The following PITPNC1 variants were observed in gnomAD, a reference collection of about 807,000 sequenced individuals.
PITPNC1 encodes cytoplasmic phosphatidylinositol transfer protein 1.
Under a neutral mutation model 44.7 loss-of-function variants are expected in PITPNC1, and 18 were observed. That is an observed-to-expected ratio of 0.40 (90% CI 0.28 to 0.60). The LOEUF (loss-of-function observed/expected upper bound fraction) is 0.60, where lower values mean the gene tolerates loss of function less well. Ranked by LOEUF, PITPNC1 falls within the 20% of genes least tolerant of loss-of-function variation. The pLI is 0.39. For synonymous variants in PITPNC1, 141 were observed against 149.6 expected, an observed-to-expected ratio of 0.94 and a Z score of 0.42; for missense variants, 290 against 418.4, an observed-to-expected ratio of 0.69 and a Z score of 2.68.
intron 4 of PITPNC1, among the ~76,000 whole-genome samples, chr17:67,569,419 T>A (rs1383047261): frequency 6.6e-6 from 1 of 152,238 alleles, no homozygotes; most frequent in Non-Finnish European, 1.5e-5. Flanking sequence ...CACTTGTCTT[T>A]CCTGGCGTTC....
intron 8 of PITPNC1, among the ~76,000 whole-genome samples, chr17:67,678,829 C>T (rs907365257): frequency 1.3e-5 from 2 of 152,218 alleles, no homozygotes; most frequent in African/African-American, 4.8e-5. Context: ...TTGTTCTGGA[C>T]AGGCTCAGTG....
intron 1 of PITPNC1, among the ~76,000 whole-genome samples, chr17:67,422,070 G>C (rs1253141669): frequency 6.6e-6 from 1 of 152,112 alleles, no homozygotes; most frequent in East Asian, 1.9e-4. Context: ...GGTGTGACTT[G>C]CAGGAAGTAT....
intron 1 of PITPNC1, among the ~76,000 whole-genome samples, chr17:67,378,655 C>A (rs1208967839): frequency 2.0e-5 from 3 of 152,106 alleles, no homozygotes; most frequent in Non-Finnish European, 4.4e-5. Flanking sequence ...GGGATCTGCA[C>A]GCCCCGAGCC....
At chr17:67,461,463 C>G (rs1212493453) in intron 1 of PITPNC1, among the ~76,000 whole-genome samples, 1 of 152,204 alleles carries the variant, frequency 6.6e-6, no homozygotes, top group Non-Finnish European at 1.5e-5. Context: ...CTTAAGGGGA[C>G]CACATACATA....
rs771775005 is a variant in PITPNC1 at position 67,676,179 on chromosome 17, C to T, written c.682+637C>T. Among the ~76,000 whole-genome samples, 40 of 151,446 alleles carry T rather than the reference C, an allele frequency of 2.6e-4. No individual in the cohort carries two copies. The highest frequency in any genetic ancestry group is 1.0e-4 in the Non-Finnish European group (7 of 67,884). On this transcript the variant is annotated intron_variant, in intron 8 of 8. Transcript: ENST00000581322. The surrounding 1 kb of genome is among the most constrained non-coding windows in gnomAD (Gnocchi z 4.0). ...CCGAGATCGCACCACTGCACTCCAG[C>T]CTGGGGGACAGAGCGAGACTCCGTC...
intron 1 of PITPNC1, among the ~76,000 whole-genome samples, chr17:67,385,922 C>T (rs1423007288): frequency 6.6e-6 from 1 of 152,128 alleles, no homozygotes; most frequent in Non-Finnish European, 1.5e-5. Flanking sequence ...GGTGGAAGTA[C>T]CTGGCGCAGG....
At chr17:67,608,269 A>AC (rs926103506) in intron 5 of PITPNC1, among the ~76,000 whole-genome samples, 7 of 142,534 alleles carry the variant, frequency 4.9e-5, no homozygotes, top group African/African-American at 1.6e-4. Flanking sequence ...AAAAAAAAAA[A>AC]CCACTTCCTA....
intron 2 of PITPNC1, among the ~76,000 whole-genome samples, chr17:67,549,514 G>A (rs2040729726): frequency 6.6e-6 from 1 of 152,188 alleles, no homozygotes; most frequent in Non-Finnish European, 1.5e-5. Flanking sequence ...AGCTAAAATA[G>A]ATTCTAGAAT....
intron 8 of PITPNC1, among the ~76,000 whole-genome samples, chr17:67,677,599 G>T (rs868627973): frequency 2.7e-5 from 4 of 150,444 alleles, no homozygotes; most frequent in African/African-American, 4.9e-5. Flanking sequence ...ACAGAGTCTC[G>T]CACTGTCGTA....
intron 2 of PITPNC1, among the ~76,000 whole-genome samples, chr17:67,536,815 A>G (rs2040537235): frequency 6.6e-6 from 1 of 152,174 alleles, no homozygotes; most frequent in African/African-American, 2.4e-5. Context: ...CTCCTTGATA[A>G]AAAGAGGGAC....
At chr17:67,409,591 T>C (rs938678174) in intron 1 of PITPNC1, among the ~76,000 whole-genome samples, 7 of 151,904 alleles carry the variant, frequency 4.6e-5, no homozygotes, top group Admixed American at 1.3e-4. Flanking sequence ...CAGGTTGGAG[T>C]GCAGTGGCGT....
intron 1 of PITPNC1, among the ~76,000 whole-genome samples, chr17:67,415,590 C>A (rs1053851800): frequency 2.6e-5 from 4 of 152,156 alleles, no homozygotes. Context: ...AATATTGCTT[C>A]TTTTTATTGC....
intron 1 of PITPNC1, among the ~76,000 whole-genome samples, chr17:67,403,085 C>T (rs752251649): frequency 5.3e-5 from 8 of 151,958 alleles, no homozygotes; most frequent in Non-Finnish European, 8.8e-5. Flanking sequence ...TTTTCAGTAA[C>T]ATCTAAATCA....
intron 1 of PITPNC1, among the ~76,000 whole-genome samples, chr17:67,394,286 C>T (rs900429289): frequency 6.6e-6 from 1 of 152,148 alleles, no homozygotes; most frequent in African/African-American, 2.4e-5. Flanking sequence ...GCCTTAACCT[C>T]CTAAAGTGCT....
chr17:67,575,879 C>CTTTTTTTTTTT (rs1209977482), intron 4 of PITPNC1, among the ~76,000 whole-genome samples: 211 of 15,916 alleles, frequency 0.013, 14 homozygotes, highest in African/African-American at 0.033. Flanking sequence ...TCTTTCTTTC[C>CTTTTTTTTTTT]TTTTTTTTTT....
At chr17:67,531,395 T>G (rs1323362995) in intron 1 of PITPNC1, among the ~76,000 whole-genome samples, 1 of 152,184 alleles carries the variant, frequency 6.6e-6, no homozygotes, top group Non-Finnish European at 1.5e-5. Context: ...CATGTGACCG[T>G]TCTGGAGAGG....
At chr17:67,672,122 C>CG (rs1245034375) in intron 7 of PITPNC1, among the ~76,000 whole-genome samples, 1 of 151,744 alleles carries the variant, frequency 6.6e-6, no homozygotes, top group African/African-American at 2.4e-5. Flanking sequence ...TTAGTAGAGA[C>CG]GGGGTTTCAC....
intron 1 of PITPNC1, among the ~76,000 whole-genome samples, chr17:67,424,968 T>A (rs2038724570): frequency 6.6e-6 from 1 of 152,012 alleles, no homozygotes; most frequent in Non-Finnish European, 1.5e-5. Flanking sequence ...AACTGATCAA[T>A]GTACTTTGTA....
At chr17:67,399,921 A>G (rs2038282433) in intron 1 of PITPNC1, among the ~76,000 whole-genome samples, 1 of 152,200 alleles carries the variant, frequency 6.6e-6, no homozygotes, top group Non-Finnish European at 1.5e-5. Context: ...TGATTGAGAA[A>G]GACTCATTTT....
Sources: gnomAD v4.1 joint callset for allele counts (sites outside exome capture counted in the v4.1 genomes callset) on GRCh38, gnomAD v4.1.1 for gene constraint, Gnocchi (gnomAD v3.1) non-coding constraint, MANE v1.5 for transcripts, NCBI Gene and HGNC (gene_info 2026-07-23, HGNC 2026-07-21) for gene names.